OR51B5: variants seen among roughly 807,000 people sequenced by gnomAD.
OR51B5 encodes the protein olfactory receptor 51B5.
For synonymous variants in OR51B5, 186 were observed against 144.8 expected, an observed-to-expected ratio of 1.28 and a Z score of -2.04; for missense variants, 456 against 374.6, an observed-to-expected ratio of 1.22 and a Z score of -1.79.
intron 1 of OR51B5, among the ~76,000 whole-genome samples, chr11:5,416,775 A>G (rs1850251077): frequency 6.8e-6 from 1 of 146,028 alleles, no homozygotes; most frequent in Admixed American, 7.0e-5. Flanking sequence ...ATGAAATAAA[A>G]GAGGATAAAA....
At chr11:5,422,091 A>T in intron 1 of OR51B5, 1 of 882,872 alleles carries the variant, frequency 1.1e-6, no homozygotes, top group Non-Finnish European at 1.7e-6. Context: ...AACAACTCTG[A>T]ACATTTATTT....
downstream of OR51B5, chr11:5,342,474 C>G (rs1848909986): frequency 9.3e-6 from 12 of 1,285,334 alleles, no homozygotes; most frequent in Non-Finnish European, 1.2e-5. Flanking sequence ...TGTATTTTAA[C>G]ACCTATTTTA....
At chr11:5,380,034 C>A (rs961585412) in intron 1 of OR51B5, among the ~76,000 whole-genome samples, 6 of 151,384 alleles carry the variant, frequency 4.0e-5, no homozygotes, top group African/African-American at 1.5e-4. Context: ...TCTGTTATAG[C>A]AAATCAAAAT....
intron 1 of OR51B5, chr11:5,489,262 G>T (rs1434068033): frequency 1.2e-6 from 2 of 1,613,866 alleles, no homozygotes; most frequent in South Asian, 2.2e-5. Flanking sequence ...TGAGCATATG[G>T]GCATTGCCCG....
Position 5,498,581 on chromosome 11 carries a change from G to A in OR51B5, n.84+6988C>T, listed in dbSNP as rs1290578270. On this transcript the variant is annotated intron_variant and non_coding_transcript_variant, in intron 1 of 4. Coordinates refer to the OR51B5 transcript ENST00000415970. ...ATATACCCAAAATGTAAGTCAAAAC[G>A]ATATTAGTTTCAGTATGTCTCCTTA... Among the ~76,000 whole-genome samples the A allele has an allele frequency of 2.0e-5, 3 of 152,056 alleles. No homozygotes were observed. The East Asian group carries it at 5.8e-4, about 29-fold the overall frequency.
intron 1 of OR51B5, among the ~76,000 whole-genome samples, chr11:5,434,098 A>T (rs572248968): frequency 6.6e-6 from 1 of 152,156 alleles, no homozygotes; most frequent in South Asian, 2.1e-4. Context: ...GAACTTAAAA[A>T]TCCCAGTGCT....
At chr11:5,465,243 C>T (rs1191616186) in intron 1 of OR51B5, among the ~76,000 whole-genome samples, 14 of 135,884 alleles carry the variant, frequency 1.0e-4, no homozygotes, top group Non-Finnish European at 1.6e-4. Context: ...GTTCCTATTT[C>T]TCCACATCCT....
chr11:5,369,584 T>A (rs1200570624), intron 1 of OR51B5, among the ~76,000 whole-genome samples: 1 of 152,174 alleles, frequency 6.6e-6, no homozygotes, highest in Non-Finnish European at 1.5e-5. Context: ...ATTTAAAAAA[T>A]TATATATACT....
intron 1 of OR51B5, among the ~76,000 whole-genome samples, chr11:5,429,139 C>G (rs1044387544): frequency 6.6e-6 from 1 of 152,152 alleles, no homozygotes; most frequent in Non-Finnish European, 1.5e-5. Flanking sequence ...TTTCCACATT[C>G]TTATTATTGT....
rs567791040 is a variant in OR51B5, at chr11:5,421,467, A to G, written n.85-74557T>C. The stretch of plus-strand genomic sequence containing the variant: ...CACTTAAAGCAGTGCCTAAATGTAG[A>G]TAGTACTCAATAAATGTGATTGTCT... On this transcript the variant is annotated intron_variant and non_coding_transcript_variant, in intron 1 of 4. Coordinates refer to the OR51B5 transcript ENST00000415970. 4.8e-4 allele frequency among the ~76,000 whole-genome samples: 73 copies of G among 152,326 alleles called. 3 individuals carry two copies. The South Asian group carries it at 0.014, about 29-fold the overall frequency.
intron 1 of OR51B5, among the ~76,000 whole-genome samples, chr11:5,365,235 G>A (rs79162166): frequency 0.057 from 8,657 of 152,186 alleles, 287 homozygotes; most frequent in South Asian, 0.096. Context: ...AGGACTCCAT[G>A]GAAACATCTA....
At chr11:5,422,044 T>C (rs1051027958) in intron 1 of OR51B5, 9 of 620,240 alleles carry the variant, frequency 1.5e-5, no homozygotes, top group Admixed American at 1.2e-4. Flanking sequence ...GGATATCATA[T>C]ATCACAATGT....
chr11:5,402,739 T>C, intron 1 of OR51B5: 1 of 471,432 alleles, frequency 2.1e-6, no homozygotes. Context: ...AATGGCATCA[T>C]TCTTCACGTC....
chr11:5,374,704 G>A (rs910818267), intron 1 of OR51B5, among the ~76,000 whole-genome samples: 4 of 152,308 alleles, frequency 2.6e-5, no homozygotes, highest in East Asian at 3.9e-4. Context: ...CTCAGGAGCT[G>A]ATGCGATCAA....
At chr11:5,413,694 T>C (rs913389710) in intron 1 of OR51B5, among the ~76,000 whole-genome samples, 1 of 151,924 alleles carries the variant, frequency 6.6e-6, no homozygotes, top group African/African-American at 2.4e-5. Flanking sequence ...TGATGGAAGA[T>C]GAAATGAATG....
intron 1 of OR51B5, among the ~76,000 whole-genome samples, chr11:5,372,488 T>G (rs1849462250): frequency 6.6e-6 from 1 of 152,208 alleles, no homozygotes; most frequent in African/African-American, 2.4e-5. Context: ...ACTTGTGGTT[T>G]TGATTTGCAT....
chr11:5,364,499 G>A (rs1849336967), intron 1 of OR51B5, among the ~76,000 whole-genome samples: 2 of 152,188 alleles, frequency 1.3e-5, no homozygotes, highest in African/African-American at 4.8e-5. Context: ...CTCCTTGCTG[G>A]ACTATAAATT....
At chr11:5,430,863 AAT>A (rs1415266545) in intron 1 of OR51B5, 3 of 457,312 alleles carry the variant, frequency 6.6e-6, no homozygotes, top group Non-Finnish European at 1.3e-5. Context: ...GCACTGCACA[AAT>A]ATGTGACACA....
intron 1 of OR51B5, among the ~76,000 whole-genome samples, chr11:5,410,219 A>G (rs540665855): frequency 2.0e-5 from 3 of 152,284 alleles, no homozygotes; most frequent in Non-Finnish European, 4.4e-5. Flanking sequence ...TGTAGAAGAA[A>G]GCAAACACTG....
Sources: allele counts gnomAD v4.1 joint callset (sites outside exome capture counted in the v4.1 genomes callset), GRCh38; gene constraint gnomAD v4.1.1; transcripts MANE v1.5; gene names NCBI Gene and HGNC (gene_info 2026-07-23, HGNC 2026-07-21).